RNF128: variants seen among roughly 807,000 people sequenced by gnomAD.
The protein encoded by RNF128 is ring finger protein 128, also known as E3 ubiquitin-protein ligase RNF128.
RNF128 carries 13 observed loss-of-function variants against 26.2 expected under a neutral mutation model. The observed-to-expected ratio is 0.50, with a 90% confidence interval of 0.32 to 0.79. The LOEUF (loss-of-function observed/expected upper bound fraction) is 0.79. Ranked by LOEUF, RNF128 falls within the 30% of genes least tolerant of loss-of-function variation. RNF128 has a pLI of 0.03. For missense variants in RNF128, 315 were observed against 349.7 expected, an observed-to-expected ratio of 0.90 and a Z score of 0.79; for synonymous variants, 149 against 142.5, an observed-to-expected ratio of 1.05 and a Z score of -0.32.
intron 1 of RNF128, among the ~76,000 whole-genome samples, chrX:106,763,268 G>A (rs1411210043): frequency 9.0e-6 from 1 of 110,582 alleles, no homozygotes; most frequent in Non-Finnish European, 1.9e-5. Flanking sequence ...AGCAGAAATA[G>A]AAAGATCTGA....
At chrX:106,703,023 T>A (rs1258103832) in intron 1 of RNF128, among the ~76,000 whole-genome samples, 2 of 112,149 alleles carry the variant, frequency 1.8e-5, no homozygotes, top group Admixed American at 1.9e-4. Context: ...CCTAAATTTT[T>A]AATGACATAT....
chrX:106,734,493 T>G (rs1929554820), intron 1 of RNF128, among the ~76,000 whole-genome samples: 1 of 111,722 alleles, frequency 9.0e-6, no homozygotes, highest in South Asian at 3.7e-4. Flanking sequence ...TTAAGTAGCT[T>G]TTCTATTATA....
chrX:106,779,351 G>GTGTA (rs1373159959), intron 2 of RNF128, among the ~76,000 whole-genome samples: 165 of 94,381 alleles, frequency 1.7e-3, no homozygotes, highest in Non-Finnish European at 2.6e-3. Context: ...ACAGTTACGT[G>GTGTA]TGTGTGTGTG....
chrX:106,776,237 TA>T (rs1930462859), intron 2 of RNF128, among the ~76,000 whole-genome samples: 1 of 111,759 alleles, frequency 8.9e-6, no homozygotes, highest in Non-Finnish European at 1.9e-5. Flanking sequence ...TCGGGTACCG[TA>T]AATGTATCCT....
In RNF128 at chrX:106,713,667, A is replaced by C. The variant is rs927543585; in HGVS notation, c.406+19259A>C. Among the ~76,000 whole-genome samples the C allele has an allele frequency of 2.7e-5, 3 of 111,823 alleles. No homozygotes were observed. The Admixed American group carries it at 2.8e-4, about 11-fold the overall frequency. On this transcript the variant is annotated intron_variant, in intron 1 of 6. Coordinates refer to the RNF128 transcript ENST00000324342. ...GAAATATAGTTAATGCAACTGAAAAACTGAATTTTTCATATAAAAAATGTA... is the reference window on the plus strand; with the variant it reads ...GAAATATAGTTAATGCAACTGAAAACCTGAATTTTTCATATAAAAAATGTA...
chrX:106,773,618 G>C (rs1368027151), intron 2 of RNF128, among the ~76,000 whole-genome samples: 2 of 111,034 alleles, frequency 1.8e-5, no homozygotes, highest in African/African-American at 3.3e-5. Context: ...TGTGGGGATG[G>C]GGCTGAGAAG....
Position 106,773,085 on chromosome X carries a change from G to A in RNF128, c.657G>A (p.Thr219=), listed in dbSNP as rs1930405274. ...FFVSVSFFII[T]AATVGYFIFY... The stretch of plus-strand genomic sequence containing the variant: ...TTTCTGTGTCCTTTTTTATTATTAC[G>A]GCGGCAACTGTGGGCTATTTTATCT... The change falls in exon 2 of 7, where the codon ACG becomes ACA. Residue 219 remains threonine, a synonymous_variant. Transcript: ENST00000255499. 3.3e-6 allele frequency: 4 copies of A among 1,209,313 alleles called. No individual in the cohort carries two copies. Among genetic ancestry groups the A allele is most frequent in the Non-Finnish European group, 3.4e-6 (3 of 894,301 alleles).
chrX:106,759,153 C>T (rs1323596468), intron 1 of RNF128, among the ~76,000 whole-genome samples: 4 of 111,851 alleles, frequency 3.6e-5, no homozygotes, highest in Admixed American at 1.9e-4. Flanking sequence ...CAAAAGAAGA[C>T]ATACAAAAGG....
At chrX:106,788,461 A>C (rs1930723579) in intron 4 of RNF128, among the ~76,000 whole-genome samples, 1 of 48,371 alleles carries the variant, frequency 2.1e-5, no homozygotes, top group African/African-American at 8.4e-5. Flanking sequence ...AATATATATA[A>C]TATTATTATA....
chrX:106,782,172 A>C (rs1930577116), intron 2 of RNF128, among the ~76,000 whole-genome samples: 1 of 112,519 alleles, frequency 8.9e-6, no homozygotes. Context: ...TCCTTATGAG[A>C]GCTTTCCCCA....
intron 1 of RNF128, among the ~76,000 whole-genome samples, chrX:106,749,787 C>G (rs1489386246): frequency 1.8e-5 from 2 of 109,978 alleles, no homozygotes; most frequent in African/African-American, 6.6e-5. Flanking sequence ...CACCTGTATT[C>G]CCAACTACTC....
chrX:106,769,846 G>A (rs775854034), intron 1 of RNF128, among the ~76,000 whole-genome samples: 44 of 111,107 alleles, frequency 4.0e-4, no homozygotes, highest in African/African-American at 1.1e-3. Flanking sequence ...TCCTAGCATC[G>A]ATGGTCTTTA....
intron 3 of RNF128, 96 bp from the exon 4 acceptor site, chrX:106,787,822 T>C: frequency 1.9e-6 from 1 of 532,591 alleles, no homozygotes; most frequent in Non-Finnish European, 3.1e-6. Context: ...TTTATAGGAA[T>C]TTAGGCTGGT....
intron 1 of RNF128, among the ~76,000 whole-genome samples, chrX:106,714,402 T>A (rs754162033): frequency 2.6e-3 from 290 of 111,775 alleles, no homozygotes; most frequent in African/African-American, 9.2e-3. Flanking sequence ...TTTTATTTTT[T>A]AAAAATGTAG....
At chrX:106,704,302 T>A (rs374988755) in intron 1 of RNF128, among the ~76,000 whole-genome samples, 18 of 109,541 alleles carry the variant, frequency 1.6e-4, no homozygotes, top group Non-Finnish European at 3.0e-4. Flanking sequence ...GCGTGGTGGC[T>A]GGCGCCTGTA....
intron 1 of RNF128, among the ~76,000 whole-genome samples, chrX:106,711,478 G>A (rs1221704657): frequency 9.0e-6 from 1 of 111,705 alleles, no homozygotes; most frequent in African/African-American, 3.3e-5. Flanking sequence ...ATCCATACCA[G>A]AAAAACCTGT....
At chrX:106,754,237 T>C (rs907884211) in intron 1 of RNF128, among the ~76,000 whole-genome samples, 13 of 109,235 alleles carry the variant, frequency 1.2e-4, no homozygotes, top group African/African-American at 4.3e-4. Flanking sequence ...TTCTTTTTTT[T>C]CAGACAAGTT....
chrX:106,743,928 ACATGATGAGTT>A (rs1268225517), intron 1 of RNF128, among the ~76,000 whole-genome samples: 1 of 112,060 alleles, frequency 8.9e-6, no homozygotes, highest in Non-Finnish European at 1.9e-5. Flanking sequence ...CAGCCATAAA[ACATGATGAGTT>A]CATGTCCTTT....
upstream of RNF128, chrX:106,726,661 G>C (rs1929398282): frequency 1.0e-6 from 1 of 983,492 alleles, no homozygotes; most frequent in Admixed American, 5.3e-5. Context: ...TCGGCTGGGC[G>C]GAGCTTCACG....
Sources: gnomAD v4.1 joint callset for allele counts (sites outside exome capture counted in the v4.1 genomes callset) on GRCh38, gnomAD v4.1.1 for gene constraint, MANE v1.5 for transcripts, NCBI Gene and HGNC (gene_info 2026-07-23, HGNC 2026-07-21) for gene names.